The following STK39 variants were observed in gnomAD, a reference collection of about 807,000 sequenced individuals.
STK39 encodes serine/threonine kinase 39.
In STK39, 20 loss-of-function variants were observed where a neutral mutation model predicts 77.8. The observed-to-expected ratio is 0.26, with a 90% CI of 0.18 to 0.37. STK39 has a LOEUF of 0.37. STK39 is among the 10% of genes least tolerant of loss of function. The pLI, the probability that STK39 is intolerant of heterozygous loss-of-function variation, is 1.00. For synonymous variants in STK39, 246 were observed against 234.1 expected (o/e 1.05, Z -0.47); for missense variants, 479 against 656.5 (o/e 0.73, Z 2.95).
chr2:168,167,558 A>G (rs2292789), intron 2 of STK39, 151 bp from the exon 3 acceptor site: 43,363 of 633,446 alleles, frequency 0.068, 3,609 homozygotes, highest in East Asian at 0.3. Context: ...AAGGTATATA[A>G]GGACCAATTC....
At chr2:167,956,573 A>AC (rs1691771890) in intron 17 of STK39, among the ~76,000 whole-genome samples, 1 of 151,112 alleles carries the variant, frequency 6.6e-6, no homozygotes, top group Admixed American at 6.6e-5. Context: ...AGAAAAAAAA[A>AC]AAAAAGGAAG....
intron 14 of STK39, among the ~76,000 whole-genome samples, chr2:168,024,166 GA>G (rs761928354): frequency 2.7e-4 from 41 of 152,326 alleles, no homozygotes; most frequent in Non-Finnish European, 5.7e-4. Context: ...CTTAGGAGAA[GA>G]AATGGATGGA....
chr2:168,194,990 A>G (rs1024035722), intron 1 of STK39, among the ~76,000 whole-genome samples: 17 of 152,238 alleles, frequency 1.1e-4, no homozygotes, highest in Admixed American at 2.0e-4. Context: ...CATGAGTTTC[A>G]ATATGACTTA....
At chr2:168,050,789 G>A (rs997779544) in intron 14 of STK39, among the ~76,000 whole-genome samples, 2 of 152,190 alleles carry the variant, frequency 1.3e-5, no homozygotes, top group Non-Finnish European at 2.9e-5. Context: ...AAGCCACTAA[G>A]TAAATGGTAA....
intron 14 of STK39, among the ~76,000 whole-genome samples, chr2:168,056,204 C>T (rs1314701419): frequency 1.3e-5 from 2 of 152,008 alleles, no homozygotes; most frequent in Admixed American, 6.6e-5. Flanking sequence ...CCTATGATCT[C>T]CAGGAATAAA....
chr2:168,229,514 A>C (rs994028194), intron 1 of STK39, among the ~76,000 whole-genome samples: 1 of 152,254 alleles, frequency 6.6e-6, no homozygotes, highest in Non-Finnish European at 1.5e-5. Flanking sequence ...TTCTGTCAGT[A>C]ACTATTACAA....
At chr2:168,247,061 T>TTAAAAAAA (rs1213358903) in intron 1 of STK39, among the ~76,000 whole-genome samples, 167 bp downstream of exon 1, 1 of 89,304 alleles carries the variant, frequency 1.1e-5, no homozygotes. Flanking sequence ...CATTAAAAAT[T>TTAAAAAAA]AAAAAAAAAA....
intron 17 of STK39, among the ~76,000 whole-genome samples, chr2:167,959,373 C>G (rs543791668): frequency 1.3e-5 from 2 of 152,068 alleles, no homozygotes; most frequent in East Asian, 3.9e-4. Context: ...GATCCACATG[C>G]CTCGGCCTCC....
At chr2:168,125,844 T>C (rs1227166917) in intron 10 of STK39, among the ~76,000 whole-genome samples, 1 of 152,208 alleles carries the variant, frequency 6.6e-6, no homozygotes, top group Non-Finnish European at 1.5e-5. Flanking sequence ...CGTGGAATTA[T>C]GTGGCTCCCA....
chr2:168,247,163 G>T, intron 1 of STK39, 65 bp downstream of exon 1: 1 of 1,033,012 alleles, frequency 9.7e-7, no homozygotes, highest in Non-Finnish European at 1.2e-6. Flanking sequence ...CCAGCATCCC[G>T]CGCCCCCTCC....
At chr2:167,970,855 C>T (rs114807467) in intron 16 of STK39, among the ~76,000 whole-genome samples, 4,080 of 152,270 alleles carry the variant, frequency 0.027, 196 homozygotes, top group African/African-American at 0.091. Flanking sequence ...TTCTGTACCT[C>T]ACTTCTGATT....
intron 1 of STK39, among the ~76,000 whole-genome samples, chr2:168,209,156 C>CT (rs1689818022): frequency 6.6e-6 from 1 of 152,124 alleles, no homozygotes; most frequent in South Asian, 2.1e-4. Flanking sequence ...CTTTGCACCC[C>CT]TAGGCCCGTA....
At chr2:168,021,142 A>G (rs1373059368) in intron 14 of STK39, among the ~76,000 whole-genome samples, 3 of 152,182 alleles carry the variant, frequency 2.0e-5, no homozygotes, top group African/African-American at 7.2e-5. Flanking sequence ...CATCAGTCTT[A>G]TTTAAATATA....
chr2:167,986,449 A>G (rs1448736529), intron 16 of STK39, among the ~76,000 whole-genome samples: 1 of 152,200 alleles, frequency 6.6e-6, no homozygotes, highest in South Asian at 2.1e-4. Context: ...TTTTATATTT[A>G]TAAAAGGGTC....
Position 168,075,184 on chromosome 2 carries a change from G to A in STK39, c.1137C>T (p.Asp379=), listed in dbSNP as rs375569343. Residue 379 remains aspartate (D), a synonymous_variant, in exon 11 of 18, where the codon GAC becomes GAT. Transcript: ENST00000355999. Reference sequence around the variant, plus strand: ...CGTCGTCACTCCACTCCCAGTCCCCGTCTTCGGTTTTATGAAGGTGACCAC... The same window carrying A: ...CGTCGTCACTCCACTCCCAGTCCCCATCTTCGGTTTTATGAAGGTGACCAC... ...GSSGHLHKTE[D]GDWEWSDDEM... is the part of the protein sequence containing the mutation. 8.1e-6 allele frequency: 13 copies of A among 1,613,868 alleles called. No homozygotes were observed. In the African/African-American group the frequency reaches 9.4e-5, roughly 12 times the overall value.
At chr2:168,176,700 A>G (rs1225068216) in intron 2 of STK39, among the ~76,000 whole-genome samples, 2 of 152,220 alleles carry the variant, frequency 1.3e-5, no homozygotes, top group Non-Finnish European at 2.9e-5. Flanking sequence ...TGATACAGGA[A>G]GAAAAAAGCA....
chr2:168,047,729 C>T (rs1685281337), intron 14 of STK39, among the ~76,000 whole-genome samples: 1 of 152,202 alleles, frequency 6.6e-6, no homozygotes, highest in Non-Finnish European at 1.5e-5. Context: ...CCAGGGCCCT[C>T]TGTGTCAGAA....
At chr2:168,131,557 G>A (rs766047460) in intron 8 of STK39, among the ~76,000 whole-genome samples, 1 of 152,064 alleles carries the variant, frequency 6.6e-6, no homozygotes, top group Non-Finnish European at 1.5e-5. Flanking sequence ...AGTCTACAGG[G>A]GCCCCAGAAA....
chr2:168,166,105 G>A (rs1447120053), intron 3 of STK39, among the ~76,000 whole-genome samples: 1 of 152,190 alleles, frequency 6.6e-6, no homozygotes, highest in Admixed American at 6.5e-5. Flanking sequence ...AGATGTTAAA[G>A]TCACAAATTC....
Sources: gnomAD v4.1 joint callset for allele counts (sites outside exome capture counted in the v4.1 genomes callset) on GRCh38, gnomAD v4.1.1 for gene constraint, MANE v1.5 for transcripts, NCBI Gene and HGNC (gene_info 2026-07-23, HGNC 2026-07-21) for gene names.